The following GRIP1 variants were observed in gnomAD, a reference collection of about 807,000 sequenced individuals.
GRIP1 encodes the protein glutamate receptor interacting protein 1.
GRIP1 carries 45 observed loss-of-function variants against 129.9 expected under a neutral mutation model. That is an observed-to-expected ratio of 0.35 (90% CI 0.27 to 0.44). GRIP1 has a LOEUF of 0.44. Ranked by LOEUF, GRIP1 falls within the 20% of genes least tolerant of loss-of-function variation. GRIP1 has a pLI of 1.00. For synonymous variants in GRIP1, 530 were observed against 520.8 expected (o/e 1.02, Z -0.24); for missense variants, 1,196 against 1,396.8 (o/e 0.86, Z 2.29).
At chr12:66,762,581 A>C (rs959376809) in intron 1 of GRIP1, among the ~76,000 whole-genome samples, 17 of 152,220 alleles carry the variant, frequency 1.1e-4, no homozygotes, top group Non-Finnish European at 2.2e-4. Flanking sequence ...GTGGCTAAAC[A>C]TCTGCTTAAA....
At chr12:67,048,373 A>G (rs1213961048) in intron 1 of GRIP1, among the ~76,000 whole-genome samples, 1 of 152,192 alleles carries the variant, frequency 6.6e-6, no homozygotes, top group East Asian at 1.9e-4. Context: ...TGCACCGTTC[A>G]CACTTTAGTA....
rs138437050 is a variant in GRIP1 at position 66,921,144 on chromosome 12, G to A, written c.58+147906C>T. On this transcript the variant is annotated intron_variant, in intron 1 of 1. Coordinates refer to the GRIP1 transcript ENST00000643019. ...TCTCACCTAGATGGACATAATAGAT[G>A]ACTTCAGAAGCCCTTCAGCTCAGAG... Among the ~76,000 whole-genome samples the A allele has an allele frequency of 3.0e-3, 460 of 152,312 alleles. 4 individuals carry two copies. Among genetic ancestry groups the A allele is most frequent in the African/African-American group, 0.01 (432 of 41,578 alleles).
intron 1 of GRIP1, among the ~76,000 whole-genome samples, chr12:66,793,481 G>C (rs151249981): frequency 9.0e-4 from 137 of 152,318 alleles, no homozygotes; most frequent in African/African-American, 3.2e-3. Flanking sequence ...AGTCACACTA[G>C]AGTGTAAGGT....
At chr12:66,806,093 AAT>A (rs1036122016), upstream of GRIP1, among the ~76,000 whole-genome samples, 3 of 151,940 alleles carry the variant, frequency 2.0e-5, no homozygotes, top group African/African-American at 7.3e-5. Context: ...TTTAGACCTG[AAT>A]AGTCACTAAA....
At chr12:66,730,831 A>G (rs2036414484) in intron 1 of GRIP1, among the ~76,000 whole-genome samples, 1 of 151,922 alleles carries the variant, frequency 6.6e-6, no homozygotes, top group African/African-American at 2.4e-5. Flanking sequence ...AAAAAAATGT[A>G]TATTACCTTT....
intron 19 of GRIP1, among the ~76,000 whole-genome samples, chr12:66,390,328 T>C (rs1382126634): frequency 6.6e-6 from 1 of 152,190 alleles, no homozygotes; most frequent in Non-Finnish European, 1.5e-5. Context: ...CTCTAGAGTG[T>C]TCTATATATA....
At chr12:66,874,082 T>C (rs996951909) in intron 1 of GRIP1, among the ~76,000 whole-genome samples, 6 of 152,134 alleles carry the variant, frequency 3.9e-5, no homozygotes, top group Non-Finnish European at 7.4e-5. Flanking sequence ...TGTTTTAAGA[T>C]ACAGGTTCAT....
chr12:67,031,221 A>C (rs546327496), intron 1 of GRIP1, among the ~76,000 whole-genome samples: 2 of 152,312 alleles, frequency 1.3e-5, no homozygotes, highest in South Asian at 2.1e-4. Flanking sequence ...AAAACCTTCT[A>C]ATGGTGAAAG....
At chr12:66,487,430 G>A (rs1183627997) in intron 7 of GRIP1, among the ~76,000 whole-genome samples, 2 of 152,152 alleles carry the variant, frequency 1.3e-5, no homozygotes, top group African/African-American at 4.8e-5. Context: ...AGCAAATGCT[G>A]AGGGAATTCA....
At chr12:66,380,520 C>T (rs1908551) in intron 19 of GRIP1, among the ~76,000 whole-genome samples, 2,566 of 152,284 alleles carry the variant, frequency 0.017, 84 homozygotes, top group African/African-American at 0.059. Context: ...ATGGGTGAGA[C>T]AGTGAGGAAT....
intron 1 of GRIP1, among the ~76,000 whole-genome samples, chr12:66,790,575 T>A (rs1365323148): frequency 6.6e-6 from 1 of 152,098 alleles, no homozygotes; most frequent in Middle Eastern, 3.4e-3. Flanking sequence ...GTAGATGAAA[T>A]AGATAAAATA....
At chr12:66,986,712 A>G (rs1035458933) in intron 1 of GRIP1, among the ~76,000 whole-genome samples, 1 of 145,030 alleles carries the variant, frequency 6.9e-6, no homozygotes, top group Non-Finnish European at 1.5e-5. Context: ...TAGCATTAGG[A>G]GATATACCTA....
intron 1 of GRIP1, among the ~76,000 whole-genome samples, chr12:66,846,850 C>T (rs952898061): frequency 6.6e-6 from 1 of 152,134 alleles, no homozygotes; most frequent in Non-Finnish European, 1.5e-5. Context: ...GACCTGTAGG[C>T]AGGAGCCTTT....
At chr12:66,621,877 C>A (rs2065283195) in intron 1 of GRIP1, among the ~76,000 whole-genome samples, 1 of 151,990 alleles carries the variant, frequency 6.6e-6, no homozygotes, top group Non-Finnish European at 1.5e-5. Context: ...TGCTTATGGC[C>A]CATTTGTGTA....
chr12:66,406,322 G>C lies in GRIP1; in HGVS notation c.1945C>G (p.Leu649Val), dbSNP rs370818467. 8.1e-6 allele frequency: 13 copies of C among 1,613,920 alleles called. No homozygotes were observed. The highest frequency in any genetic ancestry group is 9.3e-6 in the Non-Finnish European group (11 of 1,179,946). The change falls in exon 16 of 25, where the codon CTG (leucine) becomes GTG (valine). Residue 649 changes from leucine to valine, a missense_variant. Coordinates refer to ENST00000359742, the MANE Select transcript of GRIP1 (RefSeq NM_001366722.1). ...TCTTTGCGGATTTTGAGCTTCACCA[G>C]GTCTTCACATTGCTGGAGGATCTGA... ...AVQILQQCED[L>V]VKLKIRKDED...
chr12:66,824,923 C>T (rs1030381952), intron 1 of GRIP1, among the ~76,000 whole-genome samples: 4 of 152,034 alleles, frequency 2.6e-5, no homozygotes, highest in African/African-American at 4.8e-5. Flanking sequence ...CTAAAAGAGG[C>T]CATTTTGGTA....
At chr12:67,033,534 G>T in intron 1 of GRIP1, among the ~76,000 whole-genome samples, 1 of 152,056 alleles carries the variant, frequency 6.6e-6, no homozygotes, top group East Asian at 1.9e-4. Context: ...CACAGAAGTA[G>T]CAAAGAAATG....
At chr12:66,705,030 T>C (rs1444799646) in intron 1 of GRIP1, among the ~76,000 whole-genome samples, 1 of 152,090 alleles carries the variant, frequency 6.6e-6, no homozygotes, top group African/African-American at 2.4e-5. Context: ...TCTATTACAA[T>C]ATACCCATCA....
At chr12:66,860,481 T>C (rs367929571) in intron 1 of GRIP1, among the ~76,000 whole-genome samples, 15 of 152,246 alleles carry the variant, frequency 9.9e-5, no homozygotes, top group East Asian at 5.8e-4. Flanking sequence ...ACCTCACCTC[T>C]ATCCTCTTCA....
Sources: allele counts gnomAD v4.1 joint callset (sites outside exome capture counted in the v4.1 genomes callset), GRCh38; gene constraint gnomAD v4.1.1; transcripts MANE v1.5; gene names NCBI Gene and HGNC (gene_info 2026-07-23, HGNC 2026-07-21).